GLCE: variants seen among roughly 807,000 people sequenced by gnomAD.
The protein encoded by GLCE is glucuronic acid epimerase, also known as D-glucuronyl C5-epimerase.
GLCE carries 19 observed loss-of-function variants against 47.9 expected under a neutral mutation model. The ratio of observed to expected loss-of-function variants is 0.40; its 90% CI spans 0.28 to 0.58. The LOEUF (loss-of-function observed/expected upper bound fraction) is 0.58. Ranked by LOEUF, GLCE falls within the 20% of genes least tolerant of loss-of-function variation. The pLI is 0.48. For synonymous variants in GLCE, 245 were observed against 263.4 expected, an observed-to-expected ratio of 0.93 and a Z score of 0.68; for missense variants, 556 against 743.3, an observed-to-expected ratio of 0.75 and a Z score of 2.93.
intron 4 of GLCE, among the ~76,000 whole-genome samples, chr15:69,263,722 CTCT>C (rs1230918233): frequency 1.3e-5 from 2 of 152,110 alleles, no homozygotes; most frequent in Admixed American, 1.3e-4. Flanking sequence ...TTGGGAGCTT[CTCT>C]TCTTCTGCCT....
At chr15:69,176,544 C>T (rs895858106) in intron 1 of GLCE, among the ~76,000 whole-genome samples, 67 of 151,548 alleles carry the variant, frequency 4.4e-4, no homozygotes, top group African/African-American at 1.5e-3. Flanking sequence ...TGTTTTTTTT[C>T]CTCAAACATC....
intron 3 of GLCE, among the ~76,000 whole-genome samples, chr15:69,259,970 C>T (rs954013211): frequency 9.9e-5 from 15 of 152,100 alleles, no homozygotes; most frequent in African/African-American, 3.4e-4. Flanking sequence ...GTTTATCTCT[C>T]AATACATACG....
chr15:69,218,776 C>T (rs191645891), intron 2 of GLCE, among the ~76,000 whole-genome samples: 17 of 152,264 alleles, frequency 1.1e-4, no homozygotes, highest in African/African-American at 3.9e-4. Context: ...TATCTAATAA[C>T]ATTACTGATA....
intron 1 of GLCE, among the ~76,000 whole-genome samples, chr15:69,176,183 A>G (rs1394917289): frequency 7.6e-6 from 1 of 130,810 alleles, no homozygotes; most frequent in East Asian, 2.3e-4. Context: ...AAGGAGTTAA[A>G]TTTTGTGATC....
At chr15:69,208,662 T>C (rs554149092) in intron 1 of GLCE, among the ~76,000 whole-genome samples, 1 of 152,174 alleles carries the variant, frequency 6.6e-6, no homozygotes, top group South Asian at 2.1e-4. Flanking sequence ...CTACAAAAAA[T>C]CCTGGAATTT....
At chr15:69,263,481 C>T (rs1163193991) in intron 4 of GLCE, among the ~76,000 whole-genome samples, 1 of 150,476 alleles carries the variant, frequency 6.6e-6, no homozygotes, top group African/African-American at 2.4e-5. Flanking sequence ...GGGATAAAAT[C>T]AAATATGAGT....
intron 1 of GLCE, among the ~76,000 whole-genome samples, chr15:69,171,167 C>T (rs2051582405): frequency 6.6e-6 from 1 of 151,804 alleles, no homozygotes; most frequent in South Asian, 2.1e-4. Flanking sequence ...CTTTTATTTA[C>T]CTAATTTAAA....
chr15:69,185,190 C>T (rs2051804476), intron 1 of GLCE, among the ~76,000 whole-genome samples: 1 of 152,026 alleles, frequency 6.6e-6, no homozygotes, highest in South Asian at 2.1e-4. Flanking sequence ...GTTTAATTGC[C>T]ATGTTCAGAG....
chr15:69,257,049 T>C (rs963922563), intron 3 of GLCE, among the ~76,000 whole-genome samples: 4 of 152,234 alleles, frequency 2.6e-5, no homozygotes, highest in African/African-American at 7.2e-5. Context: ...GTTTGGGTTT[T>C]ACTTTCCTCA....
At position 69,250,165 on chromosome 15, in the gene GLCE, A is replaced by C. The variant is rs1445439751; in HGVS notation, c.-13-5629A>C. 3.3e-5 allele frequency among the ~76,000 whole-genome samples: 5 copies of C among 152,170 alleles called. No individual in the cohort carries two copies. In the East Asian group the frequency reaches 9.6e-4, roughly 29 times the overall value. On this transcript the variant is annotated intron_variant, in intron 2 of 4. Coordinates refer to ENST00000261858, the MANE Select transcript of GLCE (RefSeq NM_015554.3). ...TGGCAAAAGCTTCAAAATAAATAGG[A>C]AGCCTCTCACCACTCAAAGTTACCA...
At chr15:69,193,075 GCCCCCTCCCCCTCC>G (rs1402992304) in intron 1 of GLCE, among the ~76,000 whole-genome samples, 1 of 150,308 alleles carries the variant, frequency 6.7e-6, no homozygotes, top group Admixed American at 6.6e-5. Context: ...TCAGGCATCT[GCCCCCTCCCCCTCC>G]CCCTGAATTC....
chr15:69,257,171 G>C (rs571912771), intron 3 of GLCE, among the ~76,000 whole-genome samples: 1 of 152,198 alleles, frequency 6.6e-6, no homozygotes, highest in African/African-American at 2.4e-5. Flanking sequence ...GTGCTCACTT[G>C]GTGACCATGT....
chr15:69,185,259 A>G (rs2051805633), intron 1 of GLCE, among the ~76,000 whole-genome samples: 1 of 152,222 alleles, frequency 6.6e-6, no homozygotes, highest in African/African-American at 2.4e-5. Flanking sequence ...AAAAAGGGAA[A>G]AATGCTGGAA....
chr15:69,240,283 C>CA (rs545688611), intron 2 of GLCE, among the ~76,000 whole-genome samples: 5,435 of 16,644 alleles, frequency 0.33, 527 homozygotes, highest in Non-Finnish European at 0.35. Context: ...GACTCCGTCT[C>CA]AAAAAAAAAA....
chr15:69,223,805 C>A (rs189567538), intron 2 of GLCE, among the ~76,000 whole-genome samples: 3 of 151,864 alleles, frequency 2.0e-5, no homozygotes, highest in East Asian at 3.9e-4. Context: ...TTGCAATTGT[C>A]CTATCTTAAA....
chr15:69,181,796 GT>G (rs1298178738), intron 1 of GLCE, among the ~76,000 whole-genome samples: 1 of 151,876 alleles, frequency 6.6e-6, no homozygotes. Context: ...TGTTCAAAGA[GT>G]TTTTTTGTTT....
chr15:69,211,623 A>C (rs1712040869), intron 2 of GLCE, among the ~76,000 whole-genome samples: 1 of 151,916 alleles, frequency 6.6e-6, no homozygotes, highest in South Asian at 2.1e-4. Context: ...CCTCCTCAGA[A>C]GTCTCTTGGC....
rs1327056939 is a variant in GLCE at position 69,268,970 on chromosome 15, G to A, written c.1580G>A (p.Gly527Glu). Residue 527 changes from glycine to glutamate, a missense_variant, in exon 5 of 5, where the codon GGG (glycine) becomes GAG (glutamate). Physicochemically the swap from Gly to Glu is moderately conservative, Grantham distance 98 (BLOSUM62 -2). Coordinates refer to ENST00000261858, the MANE Select transcript of GLCE (RefSeq NM_015554.3). ...CTGTATGACTTAAAAGAAACTGCAG[G>A]GGAAAAACTCGGAAAAGAAGCAAGG... ...IGLYDLKETA[G>E]EKLGKEARSL... 6.2e-7 allele frequency: 1 copy of A among 1,614,186 alleles called. No individual in the cohort carries two copies. The highest frequency in any genetic ancestry group is 8.5e-7 in the Non-Finnish European group (1 of 1,180,042).
chr15:69,256,301 A>T lies in GLCE; in HGVS notation c.495A>T (p.Arg165Ser). ...GCTATTCCAAAGTCTATGCACAGAG[A>T]GCCCCCTATCACCCCGATGGTGTGT... ...SHSYSKVYAQ[R>S]APYHPDGVFM... Residue 165 changes from arginine (R) to serine (S), a missense_variant, in exon 3 of 5, where the codon AGA (arginine) becomes AGT (serine). This residue lies in a region of GLCE where 237 missense variants were observed against 310.9 expected (regional missense o/e 0.76). Transcript: ENST00000261858. 6.2e-7 allele frequency: 1 copy of T among 1,614,038 alleles called. No individual in the cohort carries two copies. Among genetic ancestry groups the T allele is most frequent in the Non-Finnish European group, 8.5e-7 (1 of 1,179,948 alleles).
Sources: gnomAD v4.1 joint callset for allele counts (sites outside exome capture counted in the v4.1 genomes callset) on GRCh38, gnomAD v4.1.1 for gene constraint, gnomAD v4.1.1 regional missense constraint, MANE v1.5 for transcripts, NCBI Gene and HGNC (gene_info 2026-07-23, HGNC 2026-07-21) for gene names.